SYT1: variants seen among roughly 807,000 people sequenced by gnomAD.
SYT1 encodes synaptotagmin-1.
Under a neutral mutation model 44.8 loss-of-function variants are expected in SYT1, and 8 were observed. The observed-to-expected ratio is 0.18, with a 90% CI of 0.10 to 0.32. The LOEUF is 0.32. Among genes scored for constraint, SYT1 ranks in the 10% least tolerant of loss-of-function variants. SYT1 has a pLI of 1.00. For synonymous variants in SYT1, 154 were observed against 188.8 expected (o/e 0.82, Z 1.51); for missense variants, 286 against 509.3 (o/e 0.56, Z 4.22).
chr12:78,899,410 A>C (rs570845136), intron 1 of SYT1, among the ~76,000 whole-genome samples: 1 of 151,986 alleles, frequency 6.6e-6, no homozygotes, highest in Non-Finnish European at 1.5e-5. Context: ...TTTCATTTCA[A>C]AAATATACAT....
intron 3 of SYT1, among the ~76,000 whole-genome samples, chr12:79,153,070 G>T (rs1331269683): frequency 1.3e-5 from 2 of 151,762 alleles, no homozygotes; most frequent in Non-Finnish European, 2.9e-5. Flanking sequence ...TTCCCAAGTT[G>T]TCATCGATGA....
intron 3 of SYT1, among the ~76,000 whole-genome samples, chr12:79,204,066 A>G (rs1873952673): frequency 6.6e-6 from 1 of 152,196 alleles, no homozygotes; most frequent in Admixed American, 6.5e-5. Flanking sequence ...TCCTGGCTCC[A>G]CCACTTACTA....
chr12:78,928,892 G>T (rs1877456973), intron 1 of SYT1, among the ~76,000 whole-genome samples: 1 of 152,066 alleles, frequency 6.6e-6, no homozygotes, highest in African/African-American at 2.4e-5. Context: ...AGAGGGGAAT[G>T]CTGTATATAT....
At chr12:78,928,575 G>A (rs1877435368) in intron 1 of SYT1, among the ~76,000 whole-genome samples, 1 of 151,904 alleles carries the variant, frequency 6.6e-6, no homozygotes, top group Non-Finnish European at 1.5e-5. Flanking sequence ...TTACTATTGT[G>A]CTTTGGGGTT....
rs1339008507 is a variant in SYT1, at chr12:78,876,802, T to G, written c.-217+11693T>G. Among the ~76,000 whole-genome samples the G allele has an allele frequency of 7.6e-4, 49 of 64,364 alleles. 3 individuals are homozygous for G. In the South Asian group the frequency reaches 0.018, roughly 24 times the overall value. The allele number at this position is 64,364 out of a possible 152,430, so 42.2% of individuals were successfully genotyped here. A position where few individuals can be genotyped will look rare whatever the true frequency, so the allele number is the denominator to read the frequency against. Reference sequence around the variant, plus strand: ...ATATTATATAATACATATAATATATTATATGTAATACATATCATATATTAT... The same window carrying G: ...ATATTATATAATACATATAATATATGATATGTAATACATATCATATATTAT... On this transcript the variant is annotated intron_variant, in intron 1 of 10. Transcript: ENST00000261205.
At chr12:79,431,516 A>ATTTT (rs1443879975) in intron 9 of SYT1, among the ~76,000 whole-genome samples, 20 of 140,840 alleles carry the variant, frequency 1.4e-4, no homozygotes, top group Non-Finnish European at 2.2e-4. Flanking sequence ...TTATTTTATT[A>ATTTT]TTTATTTATT....
chr12:79,431,624 A>G (rs1208891036), intron 9 of SYT1, among the ~76,000 whole-genome samples: 2 of 151,338 alleles, frequency 1.3e-5, no homozygotes, highest in Non-Finnish European at 2.9e-5. Context: ...GCTCACTGCA[A>G]CCTCTGCCTC....
At chr12:79,104,886 A>C (rs578064334) in intron 3 of SYT1, among the ~76,000 whole-genome samples, 1 of 152,278 alleles carries the variant, frequency 6.6e-6, no homozygotes, top group Admixed American at 6.5e-5. Flanking sequence ...GCCAATCTCA[A>C]ATAGAGCATT....
chr12:78,958,638 T>C (rs1879339641), intron 1 of SYT1, among the ~76,000 whole-genome samples: 1 of 151,590 alleles, frequency 6.6e-6, no homozygotes, highest in Admixed American at 6.6e-5. Context: ...GAGGTTGCAG[T>C]GAGTCAAGAT....
At chr12:78,879,738 T>A (rs1177657547) in intron 1 of SYT1, among the ~76,000 whole-genome samples, 1 of 151,838 alleles carries the variant, frequency 6.6e-6, no homozygotes, top group Non-Finnish European at 1.5e-5. Context: ...AAATCTATTA[T>A]CCTTAACTTG....
intron 9 of SYT1, among the ~76,000 whole-genome samples, chr12:79,366,546 C>A (rs1883550127): frequency 6.6e-6 from 1 of 152,208 alleles, no homozygotes. Flanking sequence ...TTTGTCCCTG[C>A]CTCCTTGGCC....
intron 3 of SYT1, among the ~76,000 whole-genome samples, chr12:79,050,633 C>T (rs1404409356): frequency 6.6e-6 from 1 of 152,000 alleles, no homozygotes; most frequent in Non-Finnish European, 1.5e-5. Context: ...GGAGTTGATA[C>T]ACTCACTCAA....
chr12:79,428,065 T>C (rs377056464), intron 9 of SYT1, among the ~76,000 whole-genome samples: 1 of 152,008 alleles, frequency 6.6e-6, no homozygotes, highest in South Asian at 2.1e-4. Flanking sequence ...GACTGTGGAG[T>C]GATAACTTTT....
At chr12:79,227,925 A>G (rs954835009) in intron 4 of SYT1, among the ~76,000 whole-genome samples, 3 of 152,228 alleles carry the variant, frequency 2.0e-5, no homozygotes, top group African/African-American at 7.2e-5. Context: ...AAATTCCGGA[A>G]ACTTTGCAGC....
At chr12:79,019,237 T>C (rs1872020049) in intron 2 of SYT1, among the ~76,000 whole-genome samples, 1 of 152,044 alleles carries the variant, frequency 6.6e-6, no homozygotes, top group Non-Finnish European at 1.5e-5. Context: ...TCGCAGTCTA[T>C]AAATATATAC....
intron 10 of SYT1, among the ~76,000 whole-genome samples, chr12:79,447,067 G>A (rs551745656): frequency 6.6e-6 from 1 of 152,250 alleles, no homozygotes; most frequent in South Asian, 2.1e-4. Flanking sequence ...CACATGCTAG[G>A]TTTCTGGGGC....
At chr12:78,999,671 A>G (rs1870607134) in intron 2 of SYT1, among the ~76,000 whole-genome samples, 1 of 152,178 alleles carries the variant, frequency 6.6e-6, no homozygotes, top group South Asian at 2.1e-4. Context: ...CATGTAATGC[A>G]GGGTTCAGTG....
intron 1 of SYT1, among the ~76,000 whole-genome samples, chr12:78,869,462 G>T (rs113820878): frequency 0.013 from 1,989 of 151,792 alleles, 33 homozygotes; most frequent in African/African-American, 0.046. Context: ...TATTAAAAAA[G>T]GAAAACTTTT....
At chr12:79,124,380 CT>C (rs1868338855) in intron 3 of SYT1, among the ~76,000 whole-genome samples, 1 of 152,084 alleles carries the variant, frequency 6.6e-6, no homozygotes, top group Non-Finnish European at 1.5e-5. Context: ...ACATATTATC[CT>C]ATCTGAAAAG....
Sources: gnomAD v4.1 joint callset for allele counts (sites outside exome capture counted in the v4.1 genomes callset) on GRCh38, gnomAD v4.1.1 for gene constraint, MANE v1.5 for transcripts, NCBI Gene and HGNC (gene_info 2026-07-23, HGNC 2026-07-21) for gene names.